Variants in MEIS2 observed in about 807,000 individuals in gnomAD.
MEIS2 encodes the protein Meis homeobox 2.
In MEIS2, 9 loss-of-function variants were observed where a neutral mutation model predicts 58.6. The observed-to-expected ratio is 0.15, with a 90% CI of 0.09 to 0.27. The LOEUF is 0.27. Among genes scored for constraint, MEIS2 ranks in the 10% least tolerant of loss-of-function variants. The probability of loss-of-function intolerance (pLI) is 1.00; values close to 1 mark genes in which losing one functional copy is unlikely to be tolerated. For synonymous variants in MEIS2, 221 were observed against 228.4 expected (o/e 0.97, Z 0.29); for missense variants, 427 against 635.0 (o/e 0.67, Z 3.52).
chr15:36,958,150 T>A (rs758339125), intron 8 of MEIS2, among the ~76,000 whole-genome samples: 4 of 152,144 alleles, frequency 2.6e-5, no homozygotes, highest in African/African-American at 9.7e-5. Context: ...TGAGAGATGT[T>A]AATAATTGTC....
chr15:37,096,292 C>T lies in MEIS2; in HGVS notation c.384G>A (p.Lys128=), dbSNP rs768426493. The T allele has an allele frequency of 1.2e-6, 2 of 1,606,556 alleles. No homozygotes were observed. Among genetic ancestry groups the T allele is most frequent in the South Asian group, 2.2e-5 (2 of 90,046 alleles). The change falls in exon 3 of 12, where the codon AAG becomes AAA. Residue 128 remains lysine, a synonymous_variant. Coordinates refer to ENST00000561208, the MANE Select transcript of MEIS2 (RefSeq NM_170675.5). ...SFNEDIAVFA[K]QVRAEKPLFS... Reference sequence around the variant, plus strand: ...GAGTGGATCAAGAAGGCTGGACCTGCTTGGCGAAGACCGCGATGTCCTCGT... The same window carrying T: ...GAGTGGATCAAGAAGGCTGGACCTGTTTGGCGAAGACCGCGATGTCCTCGT...
At chr15:36,976,225 C>A (rs1200876057) in intron 8 of MEIS2, among the ~76,000 whole-genome samples, 2 of 151,958 alleles carry the variant, frequency 1.3e-5, no homozygotes, top group Non-Finnish European at 2.9e-5. Context: ...GCTGGGATTA[C>A]AGGCGGCCAC....
intron 9 of MEIS2, among the ~76,000 whole-genome samples, chr15:36,940,715 C>T (rs1187865278): frequency 1.3e-5 from 2 of 152,152 alleles, no homozygotes; most frequent in East Asian, 3.9e-4. Flanking sequence ...TGTCAAAAGG[C>T]TACTCAATAA....
chr15:36,894,524 T>C (rs748137434), intron 11 of MEIS2: 17 of 446,812 alleles, frequency 3.8e-5, no homozygotes, highest in Admixed American at 7.2e-5. Context: ...GGCTTGTCAG[T>C]TGGCCTTTTC....
intron 2 of MEIS2, 141 bp from the exon 3 acceptor site, chr15:37,096,571 C>T: frequency 9.9e-7 from 1 of 1,011,814 alleles, no homozygotes; most frequent in Non-Finnish European, 1.4e-6. Flanking sequence ...ACAACCCTTC[C>T]TCCATCAGGC....
At chr15:36,937,371 C>T (rs1341807352) in intron 9 of MEIS2, among the ~76,000 whole-genome samples, 1 of 152,098 alleles carries the variant, frequency 6.6e-6, no homozygotes, top group Admixed American at 6.5e-5. Flanking sequence ...TTGTGAAACG[C>T]TACATGTAAC....
chr15:37,077,340 G>A (rs74818152), intron 7 of MEIS2, among the ~76,000 whole-genome samples: 6,720 of 151,982 alleles, frequency 0.044, 177 homozygotes, highest in East Asian at 0.057. Flanking sequence ...CAAGTTCCCC[G>A]AAAGCCCCCT....
At chr15:37,009,642 A>T (rs1346404119) in intron 8 of MEIS2, among the ~76,000 whole-genome samples, 1 of 152,230 alleles carries the variant, frequency 6.6e-6, no homozygotes, top group African/African-American at 2.4e-5. Context: ...AATATTATGA[A>T]GTCATTCAAT....
chr15:37,010,278 G>A (rs977430224), intron 8 of MEIS2, among the ~76,000 whole-genome samples: 6 of 151,936 alleles, frequency 3.9e-5, no homozygotes, highest in African/African-American at 9.7e-5. Flanking sequence ...TAGTAGAGAC[G>A]GGGTTTCACC....
chr15:37,044,716 T>C (rs921212775), intron 7 of MEIS2, among the ~76,000 whole-genome samples: 2 of 152,226 alleles, frequency 1.3e-5, no homozygotes, highest in African/African-American at 2.4e-5. Context: ...ACAGAGCTAG[T>C]GTGCTATGCT....
At chr15:37,007,285 C>A (rs563329812) in intron 8 of MEIS2, among the ~76,000 whole-genome samples, 4 of 152,020 alleles carry the variant, frequency 2.6e-5, no homozygotes, top group Non-Finnish European at 5.9e-5. Context: ...TCTCAGCTAT[C>A]CAGGAGGCGG....
chr15:36,929,180 A>G (rs1297737467), intron 9 of MEIS2, among the ~76,000 whole-genome samples: 1 of 152,220 alleles, frequency 6.6e-6, no homozygotes, highest in African/African-American at 2.4e-5. Flanking sequence ...TCATATCAAT[A>G]TAAGAAATCT....
chr15:36,916,896 C>A (rs1472974899), intron 9 of MEIS2, among the ~76,000 whole-genome samples: 1 of 152,150 alleles, frequency 6.6e-6, no homozygotes, highest in Non-Finnish European at 1.5e-5. Context: ...TTATCGGCAT[C>A]CCCATTTTCT....
At chr15:36,897,076 A>C in intron 9 of MEIS2, 1 of 189,252 alleles carries the variant, frequency 5.3e-6, no homozygotes, top group Non-Finnish European at 1.1e-5. Flanking sequence ...CTGGTCATAA[A>C]TGGAGACCAG....
At chr15:36,979,261 AT>A (rs1372317207) in intron 8 of MEIS2, among the ~76,000 whole-genome samples, 1 of 152,178 alleles carries the variant, frequency 6.6e-6, no homozygotes, top group Non-Finnish European at 1.5e-5. Flanking sequence ...ACACAAATAA[AT>A]TTCATTTTTA....
chr15:36,974,446 A>G (rs2059671648), intron 8 of MEIS2, among the ~76,000 whole-genome samples: 2 of 152,230 alleles, frequency 1.3e-5, no homozygotes, highest in African/African-American at 2.4e-5. Context: ...CAACATTTCA[A>G]TGATTTTCCA....
intron 9 of MEIS2, among the ~76,000 whole-genome samples, chr15:36,944,230 C>T (rs945059111): frequency 6.6e-6 from 1 of 152,018 alleles, no homozygotes. Flanking sequence ...AATTTCAGGG[C>T]GATCCCTCTG....
At chr15:36,899,741 T>C (rs1380303731) in intron 9 of MEIS2, among the ~76,000 whole-genome samples, 2 of 152,184 alleles carry the variant, frequency 1.3e-5, no homozygotes, top group African/African-American at 4.8e-5. Flanking sequence ...AAAAGACTTG[T>C]CTTAAAAAGA....
intron 8 of MEIS2, among the ~76,000 whole-genome samples, chr15:36,957,831 C>T (rs1031085862): frequency 3.3e-5 from 5 of 152,100 alleles, no homozygotes; most frequent in African/African-American, 1.2e-4. Flanking sequence ...ACTGGCTGTG[C>T]CACAGATAAG....
Sources: allele counts gnomAD v4.1 joint callset (sites outside exome capture counted in the v4.1 genomes callset), GRCh38; gene constraint gnomAD v4.1.1; transcripts MANE v1.5; gene names NCBI Gene and HGNC (gene_info 2026-07-23, HGNC 2026-07-21).